Variants in EHBP1 observed in about 807,000 individuals in gnomAD.
EHBP1 encodes the protein EH domain-binding protein 1.
In EHBP1, 55 loss-of-function variants were observed where a neutral mutation model predicts 144.0. That is an observed-to-expected ratio of 0.38 (90% CI 0.31 to 0.48). EHBP1 has a LOEUF of 0.48. Ranked by LOEUF, EHBP1 falls within the 20% of genes least tolerant of loss-of-function variation. The pLI is 0.98. For missense variants in EHBP1, 1,200 were observed against 1,364.2 expected (o/e 0.88, Z 1.90); for synonymous variants, 469 against 472.7 (o/e 0.99, Z 0.10).
At chr2:62,740,495 GTAAAGT>G (rs1316384222) in intron 2 of EHBP1, among the ~76,000 whole-genome samples, 3 of 152,132 alleles carry the variant, frequency 2.0e-5, no homozygotes, top group South Asian at 2.1e-4. Flanking sequence ...TTGAGAAAAA[GTAAAGT>G]TAGAGTATTT....
rs1288189355 is a variant in EHBP1, at chr2:63,045,352, G to A, written c.3393-58G>A. 1.3e-6 allele frequency: 2 copies of A among 1,531,714 alleles called. No homozygotes were observed. The highest frequency in any genetic ancestry group is 1.7e-5 in the Admixed American group (1 of 58,956). 94.9% of individuals were successfully genotyped at this position (1,531,714 alleles called of 1,614,324 possible). ...CTGGGCGACGGGGGAGTGCTGCTCTGCCCTCCACGAAGAAAAATAATTTTG... is the reference window on the plus strand; with the variant it reads ...CTGGGCGACGGGGGAGTGCTGCTCTACCCTCCACGAAGAAAAATAATTTTG... On this transcript the variant is annotated intron_variant, in intron 22 of 22. Coordinates refer to ENST00000431489, the MANE Select transcript of EHBP1 (RefSeq NM_001142616.3). The surrounding 1 kb of genome is among the most constrained non-coding windows in gnomAD (Gnocchi z 5.7).
At position 62,802,435 on chromosome 2, in the gene EHBP1, G is replaced by C. The variant is rs111731944; in HGVS notation, c.313-23652G>C. The stretch of plus-strand genomic sequence containing the variant: ...GCCAGTAGAGCTATTGCTCAGAAAT[G>C]TTGTCTTAGCTTATTTTTCTGCCTC... On this transcript the variant is annotated intron_variant, in intron 5 of 22. Coordinates refer to ENST00000431489, the MANE Select transcript of EHBP1 (RefSeq NM_001142616.3). Among the ~76,000 whole-genome samples the C allele has an allele frequency of 3.3e-3, 502 of 152,228 alleles. 5 individuals carry two copies. The highest frequency in any genetic ancestry group is 0.011 in the African/African-American group (452 of 41,534).
chr2:62,712,994 A>G (rs959141600), intron 2 of EHBP1, among the ~76,000 whole-genome samples: 52 of 152,356 alleles, frequency 3.4e-4, no homozygotes, highest in African/African-American at 1.2e-3. Flanking sequence ...AAATTTAAGT[A>G]GAATTTCTTG....
intron 19 of EHBP1, among the ~76,000 whole-genome samples, chr2:63,020,279 A>G (rs2060673419): frequency 6.8e-6 from 1 of 147,744 alleles, no homozygotes; most frequent in South Asian, 2.2e-4. Flanking sequence ...AGCCGAAATC[A>G]TGCCATTGCA....
At chr2:62,797,362 G>A (rs2043613932) in intron 5 of EHBP1, among the ~76,000 whole-genome samples, 1 of 152,124 alleles carries the variant, frequency 6.6e-6, no homozygotes, top group African/African-American at 2.4e-5. Flanking sequence ...CCCATAGAGT[G>A]GTAATAATTG....
intron 5 of EHBP1, among the ~76,000 whole-genome samples, chr2:62,802,967 C>T (rs1427347253): frequency 4.6e-5 from 7 of 152,066 alleles, no homozygotes; most frequent in South Asian, 2.1e-4. Flanking sequence ...TCAGGTGATC[C>T]GCCCACGTTG....
At chr2:63,004,833 A>G (rs1322030719) in intron 19 of EHBP1, among the ~76,000 whole-genome samples, 2 of 152,078 alleles carry the variant, frequency 1.3e-5, no homozygotes, top group Non-Finnish European at 1.5e-5. Context: ...TCAAACTTCA[A>G]TATGCATCAG....
chr2:62,746,255 C>G lies in EHBP1; in HGVS notation c.105-1140C>G, dbSNP rs1482665009. The stretch of plus-strand genomic sequence containing the variant: ...TCCTAGTGCAGGTTTCTGTGTTGAA[C>G]AAGGTGTTTTTTTTGTTTTTCTTTT... On this transcript the variant is annotated intron_variant, in intron 2 of 22. Transcript: ENST00000431489. Among the ~76,000 whole-genome samples the G allele has an allele frequency of 2.6e-5, 4 of 152,190 alleles. No individual in the cohort carries two copies. The East Asian group carries it at 7.7e-4, about 29-fold the overall frequency.
At chr2:62,746,052 G>C (rs753928432) in intron 2 of EHBP1, among the ~76,000 whole-genome samples, 3 of 152,012 alleles carry the variant, frequency 2.0e-5, no homozygotes, top group Non-Finnish European at 2.9e-5. Flanking sequence ...AAGTGAAGAG[G>C]TTAGTGCAGT....
At chr2:62,954,204 T>G (rs1183630036) in intron 13 of EHBP1, among the ~76,000 whole-genome samples, 2 of 152,192 alleles carry the variant, frequency 1.3e-5, no homozygotes, top group African/African-American at 4.8e-5. Flanking sequence ...TGGAATGCAG[T>G]AAGTTTTTAA....
chr2:62,893,748 T>G (rs1057416648), intron 10 of EHBP1, among the ~76,000 whole-genome samples: 1 of 151,994 alleles, frequency 6.6e-6, no homozygotes, highest in Non-Finnish European at 1.5e-5. Context: ...CTCTAAACAC[T>G]TAAGATGTAT....
intron 2 of EHBP1, among the ~76,000 whole-genome samples, chr2:62,710,368 A>G (rs2035028401): frequency 6.6e-6 from 1 of 151,842 alleles, no homozygotes. Flanking sequence ...TTATATTTGT[A>G]TTTATATTTC....
At chr2:62,766,836 T>G (rs1452647030) in intron 4 of EHBP1, among the ~76,000 whole-genome samples, 1 of 152,042 alleles carries the variant, frequency 6.6e-6, no homozygotes, top group Non-Finnish European at 1.5e-5. Flanking sequence ...TTAGAACTAC[T>G]GTGTTTGTCT....
chr2:62,881,418 G>GAA (rs371288881), intron 10 of EHBP1, among the ~76,000 whole-genome samples: 771 of 69,738 alleles, frequency 0.011, 7 homozygotes, highest in African/African-American at 0.023. Flanking sequence ...AGGAAAAACG[G>GAA]AAAAAAAAAA....
chr2:62,922,394 T>C (rs1414805891), intron 10 of EHBP1, among the ~76,000 whole-genome samples: 1 of 152,096 alleles, frequency 6.6e-6, no homozygotes, highest in Non-Finnish European at 1.5e-5. Context: ...CCTCCAAAGG[T>C]AGACTTTGGT....
At chr2:62,831,213 A>G in intron 7 of EHBP1, 55 bp downstream of exon 7, 5 of 1,502,118 alleles carry the variant, frequency 3.3e-6, no homozygotes, top group Non-Finnish European at 4.5e-6. Context: ...GAGTTCAAAA[A>G]CTCATTCTCA....
chr2:62,675,815 C>T (rs2033267191), intron 1 of EHBP1, among the ~76,000 whole-genome samples: 1 of 152,138 alleles, frequency 6.6e-6, no homozygotes, highest in Non-Finnish European at 1.5e-5. Flanking sequence ...TGCTGTGGTG[C>T]AATCTTGGTT....
chr2:62,686,630 C>T (rs1019092828), intron 1 of EHBP1, among the ~76,000 whole-genome samples: 1 of 152,184 alleles, frequency 6.6e-6, no homozygotes, highest in African/African-American at 2.4e-5. Flanking sequence ...TATCTGGAAA[C>T]AGCTAAAACC....
At chr2:63,009,638 TATGG>T (rs2060188840) in intron 19 of EHBP1, among the ~76,000 whole-genome samples, 1 of 151,418 alleles carries the variant, frequency 6.6e-6, no homozygotes, top group Admixed American at 6.6e-5. Context: ...AATTGGAGTA[TATGG>T]AGTAAAGTCC....
Sources: gnomAD v4.1 joint callset for allele counts (sites outside exome capture counted in the v4.1 genomes callset) on GRCh38, gnomAD v4.1.1 for gene constraint, Gnocchi (gnomAD v3.1) non-coding constraint, MANE v1.5 for transcripts, NCBI Gene and HGNC (gene_info 2026-07-23, HGNC 2026-07-21) for gene names.